GPC6: variants seen among roughly 807,000 people sequenced by gnomAD.
GPC6 encodes glypican-6.
GPC6 carries 14 observed loss-of-function variants against 55.2 expected under a neutral mutation model. The observed-to-expected ratio is 0.25, with a 90% CI of 0.17 to 0.40. The LOEUF (loss-of-function observed/expected upper bound fraction) is 0.40. GPC6 is among the 10% of genes least tolerant of loss of function. The pLI is 1.00. For synonymous variants in GPC6, 278 were observed against 259.6 expected (o/e 1.07, Z -0.68); for missense variants, 641 against 708.5 (o/e 0.90, Z 1.08).
At chr13:94,266,062 C>T (rs781181511) in intron 4 of GPC6, among the ~76,000 whole-genome samples, 1 of 152,138 alleles carries the variant, frequency 6.6e-6, no homozygotes, top group Non-Finnish European at 1.5e-5. Flanking sequence ...TATTCTTTTC[C>T]CTTGGAACTT....
chr13:93,755,656 G>T (rs934483710), intron 2 of GPC6, among the ~76,000 whole-genome samples: 1 of 152,144 alleles, frequency 6.6e-6, no homozygotes, highest in African/African-American at 2.4e-5. Context: ...TCTGCTAAAA[G>T]GGTTAAAAAG....
chr13:93,264,693 T>A (rs1330906617), intron 1 of GPC6, among the ~76,000 whole-genome samples: 1 of 152,190 alleles, frequency 6.6e-6, no homozygotes, highest in Non-Finnish European at 1.5e-5. Flanking sequence ...CCACCACACC[T>A]GGCTATCCTG....
chr13:93,652,370 C>G (rs983853331), intron 2 of GPC6, among the ~76,000 whole-genome samples: 5 of 152,150 alleles, frequency 3.3e-5, no homozygotes, highest in African/African-American at 1.2e-4. Context: ...TCCCCATTAC[C>G]TCTACTCTGC....
chr13:94,058,368 A>G (rs1385144303), intron 4 of GPC6, among the ~76,000 whole-genome samples: 1 of 152,202 alleles, frequency 6.6e-6, no homozygotes, highest in Non-Finnish European at 1.5e-5. Context: ...TTGCTAGCTA[A>G]GGATTATTCG....
chr13:93,513,300 A>C lies in GPC6; in HGVS notation c.161-31963A>C, dbSNP rs187399309. ...ACCTCAGTCCCCGGATGCCCCTGGG[A>C]TGATAAACCAATGACAGTTACAATT... On this transcript the variant is annotated intron_variant, in intron 1 of 8. Transcript: ENST00000377047. 2.0e-5 allele frequency among the ~76,000 whole-genome samples: 3 copies of C among 152,326 alleles called. No individual in the cohort carries two copies. The East Asian group carries it at 5.8e-4, about 29-fold the overall frequency.
At chr13:93,884,057 A>G (rs905317755) in intron 3 of GPC6, among the ~76,000 whole-genome samples, 1 of 152,140 alleles carries the variant, frequency 6.6e-6, no homozygotes. Flanking sequence ...TATTCGACAT[A>G]TGGCACATAC....
At chr13:94,021,260 G>A (rs911016519) in intron 3 of GPC6, among the ~76,000 whole-genome samples, 78 of 146,272 alleles carry the variant, frequency 5.3e-4, no homozygotes, top group African/African-American at 1.8e-3. Flanking sequence ...TTCATTGTGT[G>A]TATATATATA....
chr13:93,557,044 G>C (rs1191183951), intron 2 of GPC6, among the ~76,000 whole-genome samples: 1 of 152,132 alleles, frequency 6.6e-6, no homozygotes, highest in Admixed American at 6.6e-5. Context: ...TGAAGGAAAA[G>C]TGCCTGATCT....
At chr13:93,383,398 G>T (rs1299509347) in intron 1 of GPC6, among the ~76,000 whole-genome samples, 8 of 151,998 alleles carry the variant, frequency 5.3e-5, no homozygotes, top group Admixed American at 1.3e-4. Context: ...AGAGTTTTTT[G>T]CAGAGAGGGA....
At chr13:93,888,501 G>C (rs993194963) in intron 3 of GPC6, among the ~76,000 whole-genome samples, 1 of 152,128 alleles carries the variant, frequency 6.6e-6, no homozygotes, top group Non-Finnish European at 1.5e-5. Flanking sequence ...ACAATATGTA[G>C]AGGACAGGTT....
rs544091693 is a variant in GPC6 at position 94,372,541 on chromosome 13, C to G, written c.1153-9873C>G. 1.6e-3 allele frequency among the ~76,000 whole-genome samples: 251 copies of G among 152,132 alleles called. 5 individuals carry two copies. In the East Asian group the frequency reaches 0.036, roughly 22 times the overall value. ...AACGGCGCACCACGAGAGTATATCC[C>G]GCACCTGGCTCGGAGGGTCCTACGC... On this transcript the variant is annotated intron_variant, in intron 6 of 8. Transcript: ENST00000377047.
intron 1 of GPC6, among the ~76,000 whole-genome samples, chr13:93,407,892 T>C (rs1249356530): frequency 1.3e-5 from 2 of 152,172 alleles, no homozygotes; most frequent in African/African-American, 4.8e-5. Context: ...TAAACAACTT[T>C]TCCCATTTAA....
At chr13:93,427,012 AT>A (rs1398039292) in intron 1 of GPC6, among the ~76,000 whole-genome samples, 7 of 149,616 alleles carry the variant, frequency 4.7e-5, no homozygotes, top group African/African-American at 1.7e-4. Flanking sequence ...TTTTTCATGT[AT>A]TTTTTGGCTG....
chr13:93,224,472 G>T (rs1875706433), upstream of GPC6, among the ~76,000 whole-genome samples: 1 of 152,192 alleles, frequency 6.6e-6, no homozygotes, highest in South Asian at 2.1e-4. Flanking sequence ...GGGATTATAG[G>T]CATGAGCCAC....
intron 1 of GPC6, among the ~76,000 whole-genome samples, chr13:93,292,265 G>C (rs1429809421): frequency 6.6e-6 from 1 of 152,154 alleles, no homozygotes; most frequent in Non-Finnish European, 1.5e-5. Context: ...AGGCTTTCCA[G>C]TGAATGTGTA....
intron 4 of GPC6, among the ~76,000 whole-genome samples, chr13:94,114,218 G>A (rs1886353943): frequency 6.6e-6 from 1 of 150,860 alleles, no homozygotes; most frequent in South Asian, 2.1e-4. Context: ...CTAAATTTTG[G>A]TTCTGGGATT....
intron 1 of GPC6, among the ~76,000 whole-genome samples, chr13:93,262,458 A>G (rs754075173): frequency 1.3e-5 from 2 of 152,196 alleles, no homozygotes; most frequent in African/African-American, 2.4e-5. Context: ...ATCCTTCCAC[A>G]TGTCTCATTT....
chr13:93,415,651 T>C (rs1312504445), intron 1 of GPC6, among the ~76,000 whole-genome samples: 2 of 152,066 alleles, frequency 1.3e-5, no homozygotes, highest in Non-Finnish European at 2.9e-5. Context: ...ACAGTGTTTG[T>C]TGTTGTTGCT....
chr13:93,518,726 G>A (rs1285169260), intron 1 of GPC6, among the ~76,000 whole-genome samples: 3 of 151,856 alleles, frequency 2.0e-5, no homozygotes, highest in Admixed American at 1.3e-4. Context: ...AATGCAATAG[G>A]GCCTTTCTCA....
Sources: gnomAD v4.1 joint callset for allele counts (sites outside exome capture counted in the v4.1 genomes callset) on GRCh38, gnomAD v4.1.1 for gene constraint, MANE v1.5 for transcripts, NCBI Gene and HGNC (gene_info 2026-07-23, HGNC 2026-07-21) for gene names.